The following FREM1 variants were observed in gnomAD, a reference collection of about 807,000 sequenced individuals.
The protein encoded by FREM1 is FRAS1-related extracellular matrix protein 1.
Under a neutral mutation model 210.1 loss-of-function variants are expected in FREM1, and 220 were observed. That is an observed-to-expected ratio of 1.05 (90% CI 0.94 to 1.17). FREM1 has a LOEUF of 1.17. FREM1 is among the 50% of genes most tolerant of loss of function. FREM1 has a pLI of 0.00. For missense variants in FREM1, 3,454 were observed against 2,675.5 expected, an observed-to-expected ratio of 1.29 and a Z score of -6.42; for synonymous variants, 1,189 against 980.2, an observed-to-expected ratio of 1.21 and a Z score of -3.98.
At chr9:14,892,132 G>T (rs1836924198) in intron 1 of FREM1, among the ~76,000 whole-genome samples, 1 of 151,972 alleles carries the variant, frequency 6.6e-6, no homozygotes. Context: ...TCTGGATTGG[G>T]ACCCCTTTCC....
At position 14,747,276 on chromosome 9, in the gene FREM1, G is replaced by T. The variant is rs1446644010; in HGVS notation, c.5997C>A (p.His1999Gln). The T allele has an allele frequency of 2.5e-6, 4 of 1,612,374 alleles. No individual in the cohort carries two copies. In the African/African-American group the frequency reaches 4.0e-5, roughly 16 times the overall value. Residue 1999 changes from histidine (H) to glutamine (Q), a missense_variant, in exon 33 of 37, where the codon CAC becomes CAA. Physicochemically the swap from His to Gln is conservative, Grantham distance 24. Coordinates refer to ENST00000380880, the MANE Select transcript of FREM1 (RefSeq NM_001379081.2). Reference sequence around the variant, plus strand: ...AAGATTTTCATACCTGTCTGGGGAAGTGTGAGTCAGTTGTGGATTCCACCT... The same window carrying T: ...AAGATTTTCATACCTGTCTGGGGAATTGTGAGTCAGTTGTGGATTCCACCT... ...ADKVESTTDSHFPRQDQLPSF... is the reference protein window; with the variant it reads ...ADKVESTTDSQFPRQDQLPSF...
intron 1 of FREM1, among the ~76,000 whole-genome samples, chr9:14,903,243 G>C (rs901015001): frequency 1.3e-5 from 2 of 152,184 alleles, no homozygotes; most frequent in Admixed American, 1.3e-4. Flanking sequence ...TGAGACCAAA[G>C]TTACTGAGCC....
chr9:14,841,612 C>A, intron 9 of FREM1, 23 bp from the exon 10 acceptor site: 1 of 1,544,818 alleles, frequency 6.5e-7, no homozygotes, highest in Non-Finnish European at 8.8e-7. Flanking sequence ...TAAAACACCA[C>A]ATACTTTTGT....
intron 27 of FREM1, among the ~76,000 whole-genome samples, chr9:14,767,505 G>T (rs1037593425): frequency 2.6e-5 from 4 of 152,140 alleles, no homozygotes; most frequent in Non-Finnish European, 4.4e-5. Context: ...GTAAATTTCA[G>T]ATTATGATGG....
intron 3 of FREM1, among the ~76,000 whole-genome samples, chr9:14,860,932 TATACACACATATACAC>T (rs1315400135): frequency 1.7e-5 from 2 of 120,752 alleles, no homozygotes; most frequent in Admixed American, 9.1e-5. Context: ...TATATACACA[TATACACACATATACAC>T]ATATACACAT....
rs147445408 is a variant in FREM1, at chr9:14,830,761, C to T, written c.1882-5769G>A. ...TGTGTCCGTGTCGTTTTATCTAAAC[C>T]GGCATGAGGGCCAAGACCCTTGGTG... On this transcript the variant is annotated intron_variant, in intron 10 of 36. Coordinates refer to ENST00000380880, the MANE Select transcript of FREM1 (RefSeq NM_001379081.2). Among the ~76,000 whole-genome samples, 773 of 152,252 alleles carry T rather than the reference C, an allele frequency of 5.1e-3. 1 individual carries two copies. The highest frequency in any genetic ancestry group is 7.7e-3 in the Non-Finnish European group (527 of 68,028).
intron 13 of FREM1, among the ~76,000 whole-genome samples, chr9:14,822,290 G>T (rs1317114775): frequency 6.6e-6 from 1 of 152,168 alleles, no homozygotes; most frequent in East Asian, 1.9e-4. Flanking sequence ...AACTTCTGCA[G>T]GTTGGGCAGC....
At chr9:14,795,947 G>T (rs1588033860) in intron 21 of FREM1, among the ~76,000 whole-genome samples, 2 of 152,152 alleles carry the variant, frequency 1.3e-5, no homozygotes, top group East Asian at 3.9e-4. Flanking sequence ...AGGAGGTACT[G>T]TAATACTATG....
chr9:14,769,824 T>C lies in FREM1; in HGVS notation c.5104A>G (p.Lys1702Glu). Residue 1702 changes from lysine to glutamate, a missense_variant, in exon 27 of 37, where the codon AAG (lysine) becomes GAG (glutamate). Physicochemically the swap from Lys to Glu is moderately conservative, Grantham distance 56 (BLOSUM62 1). Transcript: ENST00000380880. ...EKFSQKDLNS[K>E]TILYIINPSL... ...GGGTTTATGATGTAAAGAATAGTCT[T>C]ACTGTTTAAGTCCTTTTGGCTAAAT... is the stretch of plus-strand genomic sequence containing the variant. 6.2e-7 allele frequency: 1 copy of C among 1,604,078 alleles called. No individual in the cohort carries two copies. The highest frequency in any genetic ancestry group is 8.5e-7 in the Non-Finnish European group (1 of 1,173,600).
intron 14 of FREM1, among the ~76,000 whole-genome samples, chr9:14,817,450 A>T (rs1171290973): frequency 1.3e-5 from 2 of 152,196 alleles, no homozygotes; most frequent in Non-Finnish European, 2.9e-5. Flanking sequence ...GACTTAAAAA[A>T]TACCTTTCCT....
intron 8 of FREM1, among the ~76,000 whole-genome samples, chr9:14,844,653 T>C (rs1316005616): frequency 6.6e-6 from 1 of 152,240 alleles, no homozygotes; most frequent in East Asian, 1.9e-4. Flanking sequence ...TGCTTCTTCC[T>C]CACTACCAGA....
intron 35 of FREM1, among the ~76,000 whole-genome samples, chr9:14,740,897 G>A (rs971012587): frequency 6.6e-6 from 1 of 151,968 alleles, no homozygotes; most frequent in Non-Finnish European, 1.5e-5. Context: ...ATATTTGATT[G>A]TGCCTAATTC....
chr9:14,861,340 CATAT>C (rs1268809226), intron 3 of FREM1, among the ~76,000 whole-genome samples: 1 of 122,472 alleles, frequency 8.2e-6, no homozygotes, highest in African/African-American at 4.0e-5. Context: ...CATATATACA[CATAT>C]ATATACATAT....
chr9:14,864,892 G>C (rs1831232666), intron 2 of FREM1, among the ~76,000 whole-genome samples: 2 of 152,134 alleles, frequency 1.3e-5, no homozygotes. Flanking sequence ...TGACAACTAG[G>C]AAGGAGATAA....
chr9:14,801,928 TC>T, intron 19 of FREM1, 54 bp from the exon 20 acceptor site: 3 of 1,348,482 alleles, frequency 2.2e-6, no homozygotes, highest in South Asian at 1.4e-5. Context: ...AACTTGTCTT[TC>T]TTTGGAAAAC....
intron 7 of FREM1, among the ~76,000 whole-genome samples, chr9:14,846,830 C>T (rs1826712178): frequency 6.6e-6 from 1 of 152,232 alleles, no homozygotes; most frequent in African/African-American, 2.4e-5. Context: ...CACCTGCCAT[C>T]CCGGCCTCGA....
intron 25 of FREM1, among the ~76,000 whole-genome samples, chr9:14,771,128 A>G (rs1847492105): frequency 1.3e-5 from 2 of 152,182 alleles, no homozygotes; most frequent in Non-Finnish European, 2.9e-5. Context: ...CACTTGGCAC[A>G]GTGCCTGAAC....
rs141630042 is a variant in FREM1 at position 14,844,619 on chromosome 9, C to T, written c.1393+1341G>A. Among the ~76,000 whole-genome samples the T allele has an allele frequency of 9.4e-3, 1,435 of 152,338 alleles. 18 individuals carry two copies. The highest frequency in any genetic ancestry group is 0.043 in the South Asian group (207 of 4,832). On this transcript the variant is annotated intron_variant, in intron 8 of 36. Coordinates refer to ENST00000380880, the MANE Select transcript of FREM1 (RefSeq NM_001379081.2). The stretch of plus-strand genomic sequence containing the variant: ...CCTTAGAGGAATAAACGATTTAACA[C>T]TGTCTTGACCAAGATCCACTTTATG...
intron 10 of FREM1, among the ~76,000 whole-genome samples, chr9:14,830,910 G>A (rs1275674704): frequency 6.6e-6 from 1 of 152,174 alleles, no homozygotes; most frequent in East Asian, 1.9e-4. Flanking sequence ...TCATTCTGAG[G>A]CACTCTTCGC....
Sources: gnomAD v4.1 joint callset for allele counts (sites outside exome capture counted in the v4.1 genomes callset) on GRCh38, gnomAD v4.1.1 for gene constraint, MANE v1.5 for transcripts, NCBI Gene and HGNC (gene_info 2026-07-23, HGNC 2026-07-21) for gene names.